ANO1: variants seen among roughly 807,000 people sequenced by gnomAD.
ANO1 encodes the protein anoctamin-1.
Under a neutral mutation model 124.0 loss-of-function variants are expected in ANO1, and 59 were observed. The observed-to-expected ratio is 0.48, with a 90% confidence interval of 0.39 to 0.59. The LOEUF is 0.59. ANO1 is among the 20% of genes least tolerant of loss of function. The probability of loss-of-function intolerance (pLI) is 0.00; values close to 1 mark genes in which losing one functional copy is unlikely to be tolerated. For synonymous variants in ANO1, 529 were observed against 532.0 expected (o/e 0.99, Z 0.08); for missense variants, 1,059 against 1,328.0 (o/e 0.80, Z 3.15).
At chr11:70,185,375 T>G (rs1203732878) in intron 24 of ANO1, among the ~76,000 whole-genome samples, 1 of 152,174 alleles carries the variant, frequency 6.6e-6, no homozygotes, top group African/African-American at 2.4e-5. Context: ...AGGTCCTGCC[T>G]GGCCCATGGG....
intron 1 of ANO1, among the ~76,000 whole-genome samples, chr11:70,079,780 G>T (rs573605723): frequency 6.6e-6 from 1 of 152,384 alleles, no homozygotes; most frequent in African/African-American, 2.4e-5. Flanking sequence ...GAGAGGCAGG[G>T]AATGAAGCGG....
intron 2 of ANO1, among the ~76,000 whole-genome samples, chr11:70,101,431 C>T (rs2045269136): frequency 6.6e-6 from 1 of 151,872 alleles, no homozygotes; most frequent in African/African-American, 2.4e-5. Context: ...TGGTGCATGC[C>T]TGTAATCCCA....
At chr11:69,982,641 C>T (rs547968673), upstream of ANO1, among the ~76,000 whole-genome samples, 13 of 152,286 alleles carry the variant, frequency 8.5e-5, no homozygotes, top group Admixed American at 5.9e-4. Context: ...TGCACAAACC[C>T]GGGTGCTGAG....
At chr11:70,145,961 A>G (rs945806828) in intron 11 of ANO1, among the ~76,000 whole-genome samples, 29 of 150,620 alleles carry the variant, frequency 1.9e-4, no homozygotes, top group Admixed American at 6.6e-4. Flanking sequence ...AAAAAAAAAA[A>G]AAAAGAAAGA....
intron 1 of ANO1, among the ~76,000 whole-genome samples, chr11:70,044,984 A>G (rs1017021172): frequency 1.3e-5 from 2 of 152,228 alleles, no homozygotes. Flanking sequence ...ATATTCAGTA[A>G]AGTATGTAGT....
At chr11:70,137,621 C>T (rs1224621675) in intron 11 of ANO1, among the ~76,000 whole-genome samples, 2 of 145,898 alleles carry the variant, frequency 1.4e-5, no homozygotes, top group Admixed American at 1.5e-4. Flanking sequence ...GCCCACTTGA[C>T]GGTCACTGGA....
chr11:70,167,288 C>G lies in ANO1; in HGVS notation c.2098C>G (p.Pro700Ala). The change falls in exon 21 of 26, where the codon CCC becomes GCC. Residue 700 changes from proline to alanine, a missense_variant. Around this residue, in one of 2 missense-constraint regions of ANO1, gnomAD observed 809 missense variants for 1,094.9 expected, o/e 0.74. Coordinates refer to ENST00000355303, the MANE Select transcript of ANO1 (RefSeq NM_018043.7). ...CTACCTGAAGCTGAAGCAGCAGAGC[C>G]CCCCTGACCACGAGGAGTGTGTGAA... ...IRYLKLKQQS[P>A]PDHEECVKRK... 3.7e-6 allele frequency: 6 copies of G among 1,613,996 alleles called. No individual in the cohort carries two copies. Among genetic ancestry groups the G allele is most frequent in the Non-Finnish European group, 5.1e-6 (6 of 1,179,880 alleles).
chr11:70,103,929 C>A (rs529752844), intron 3 of ANO1, 70 bp from the exon 4 acceptor site: 3 of 1,522,730 alleles, frequency 2.0e-6, no homozygotes, highest in Non-Finnish European at 2.7e-6. Flanking sequence ...TCTGACCATC[C>A]GAGAACAGAT....
intron 1 of ANO1, among the ~76,000 whole-genome samples, chr11:70,038,354 A>G (rs1357491581): frequency 6.6e-6 from 1 of 152,192 alleles, no homozygotes; most frequent in Non-Finnish European, 1.5e-5. Flanking sequence ...TTAGAATGTG[A>G]GGTCCCATTC....
chr11:69,996,110 A>G (rs1481870585), intron 1 of ANO1, among the ~76,000 whole-genome samples: 14 of 151,892 alleles, frequency 9.2e-5, no homozygotes, highest in African/African-American at 3.4e-4. Flanking sequence ...CTTTGTCTCA[A>G]AACAAACCAA....
In ANO1 at chr11:70,183,142, T is replaced by C. The variant is rs191896139; in HGVS notation, c.2588+456T>C. Among the ~76,000 whole-genome samples the C allele has an allele frequency of 3.9e-5, 6 of 152,002 alleles. No homozygotes were observed. In the East Asian group the frequency reaches 1.2e-3, roughly 30 times the overall value. On this transcript the variant is annotated intron_variant, in intron 24 of 25. Coordinates refer to ENST00000355303, the MANE Select transcript of ANO1 (RefSeq NM_018043.7). ...TAAACAAATGCCTAAGGGGAGGAAATTAGAGGTGATTTACCAGTTCCTGTA... is the reference window on the plus strand; with the variant it reads ...TAAACAAATGCCTAAGGGGAGGAAACTAGAGGTGATTTACCAGTTCCTGTA...
the ANO1 span, among the ~76,000 whole-genome samples, chr11:69,969,273 T>A: frequency 2.0e-5 from 3 of 152,120 alleles, no homozygotes; most frequent in Non-Finnish European, 2.9e-5. Flanking sequence ...ATGGGTAGCC[T>A]TCCTCCTAGG....
At chr11:70,051,415 G>A (rs1857348238) in intron 1 of ANO1, among the ~76,000 whole-genome samples, 1 of 152,170 alleles carries the variant, frequency 6.6e-6, no homozygotes, top group African/African-American at 2.4e-5. Context: ...GAAATTTCAG[G>A]GTCGTAAGAC....
At chr11:69,975,000 C>T in the ANO1 span, among the ~76,000 whole-genome samples, 1 of 152,106 alleles carries the variant, frequency 6.6e-6, no homozygotes, top group Non-Finnish European at 1.5e-5. Flanking sequence ...CCCTGAGAGG[C>T]AGCTACGGAG....
intron 1 of ANO1, among the ~76,000 whole-genome samples, chr11:70,012,681 G>C (rs782330565): frequency 8.0e-6 from 1 of 124,374 alleles, no homozygotes; most frequent in African/African-American, 3.1e-5. Context: ...CCATCTATCC[G>C]TCCTTTCCTT....
chr11:70,134,915 G>A (rs894703612), intron 11 of ANO1, among the ~76,000 whole-genome samples: 3 of 152,214 alleles, frequency 2.0e-5, no homozygotes, highest in Admixed American at 6.5e-5. Flanking sequence ...CAGAGCATCC[G>A]GAGAGGTCAG....
intron 11 of ANO1, among the ~76,000 whole-genome samples, chr11:70,138,814 T>A (rs2047047113): frequency 6.6e-6 from 1 of 152,152 alleles, no homozygotes; most frequent in Admixed American, 6.5e-5. Context: ...AGAGGTGACA[T>A]GTGCTGATCT....
chr11:69,976,507 TAAAAAAAAAAAAAAAAAAAA>T, the ANO1 span, among the ~76,000 whole-genome samples: 26 of 74,476 alleles, frequency 3.5e-4, no homozygotes, highest in African/African-American at 1.5e-3. Context: ...ACTCCGTCTC[TAAAAAAAAAAAAAAAAAAAA>T]AAAAAAAAAA....
chr11:70,126,220 C>T (rs1467415060), intron 10 of ANO1, 25 bp downstream of exon 10: 1 of 1,605,218 alleles, frequency 6.2e-7, no homozygotes, highest in South Asian at 1.1e-5. Context: ...ACCCCCACCA[C>T]CCCGCAGTAC....
Sources: gnomAD v4.1 joint callset for allele counts (sites outside exome capture counted in the v4.1 genomes callset) on GRCh38, gnomAD v4.1.1 for gene constraint, gnomAD v4.1.1 regional missense constraint, MANE v1.5 for transcripts, NCBI Gene and HGNC (gene_info 2026-07-23, HGNC 2026-07-21) for gene names.